The following MBD5 variants were observed in gnomAD, a reference collection of about 807,000 sequenced individuals.
The protein encoded by MBD5 is methyl-CpG-binding domain protein 5.
MBD5 carries 13 observed loss-of-function variants against 117.3 expected under a neutral mutation model. The observed-to-expected ratio is 0.11, with a 90% CI of 0.07 to 0.18. The LOEUF (loss-of-function observed/expected upper bound fraction) is 0.18. MBD5 is among the 10% of genes least tolerant of loss of function. MBD5 has a pLI of 1.00. For synonymous variants in MBD5, 727 were observed against 766.4 expected (o/e 0.95, Z 0.85); for missense variants, 1,879 against 2,093.8 (o/e 0.90, Z 2.00).
chr2:148,066,072 A>C (rs149447747), intron 1 of MBD5, among the ~76,000 whole-genome samples: 1 of 152,236 alleles, frequency 6.6e-6, no homozygotes, highest in East Asian at 1.9e-4. Context: ...CCCAGCACTT[A>C]AGGAGGCAAA....
At chr2:148,487,547 C>G (rs183714490) in intron 10 of MBD5, among the ~76,000 whole-genome samples, 393 of 151,460 alleles carry the variant, frequency 2.6e-3, no homozygotes, top group African/African-American at 8.5e-3. Flanking sequence ...AACCGTGTCA[C>G]TGAGAAAAAA....
intron 1 of MBD5, among the ~76,000 whole-genome samples, chr2:148,059,870 A>G (rs577575859): frequency 3.9e-4 from 59 of 151,850 alleles, no homozygotes; most frequent in African/African-American, 1.3e-3. Context: ...GACAAAGGAA[A>G]TTCTTCTAGT....
chr2:148,123,403 A>G (rs1255421532), intron 1 of MBD5, among the ~76,000 whole-genome samples: 8 of 152,188 alleles, frequency 5.3e-5, no homozygotes, highest in Non-Finnish European at 8.8e-5. Flanking sequence ...ATATACCACA[A>G]TGGTGGTGTA....
At chr2:148,289,872 T>A (rs1465339139) in intron 3 of MBD5, among the ~76,000 whole-genome samples, 1 of 151,904 alleles carries the variant, frequency 6.6e-6, no homozygotes, top group East Asian at 1.9e-4. Flanking sequence ...GTTTAATAGT[T>A]ATTTGGTTTT....
chr2:148,269,657 G>T (rs1306384426), intron 3 of MBD5, among the ~76,000 whole-genome samples: 2 of 136,342 alleles, frequency 1.5e-5, no homozygotes, highest in Admixed American at 7.6e-5. Flanking sequence ...ATCTAATTGT[G>T]AGTTTTTTTA....
chr2:148,134,274 A>T (rs546642061), intron 1 of MBD5, among the ~76,000 whole-genome samples: 2 of 152,312 alleles, frequency 1.3e-5, no homozygotes, highest in South Asian at 4.1e-4. Flanking sequence ...AGAGATACAG[A>T]TATACAAACA....
chr2:148,312,953 C>A (rs1232497912), intron 3 of MBD5, among the ~76,000 whole-genome samples: 1 of 152,108 alleles, frequency 6.6e-6, no homozygotes. Flanking sequence ...CACTCCAGAC[C>A]CTGTTTCGCT....
intron 8 of MBD5, among the ~76,000 whole-genome samples, chr2:148,473,919 A>G (rs1174971635): frequency 7.9e-5 from 12 of 152,178 alleles, no homozygotes; most frequent in African/African-American, 2.7e-4. Flanking sequence ...ATTACAGATA[A>G]AGTTTAATAT....
intron 1 of MBD5, among the ~76,000 whole-genome samples, chr2:148,114,078 TG>T (rs1276816956): frequency 6.6e-6 from 1 of 152,210 alleles, no homozygotes; most frequent in Non-Finnish European, 1.5e-5. Flanking sequence ...TTCCCATTAT[TG>T]GTTCAAATAT....
At chr2:148,352,029 G>T (rs1703262748) in intron 4 of MBD5, among the ~76,000 whole-genome samples, 1 of 152,042 alleles carries the variant, frequency 6.6e-6, no homozygotes, top group Non-Finnish European at 1.5e-5. Flanking sequence ...AGAGGAGCTT[G>T]GGTAACTTTT....
intron 1 of MBD5, among the ~76,000 whole-genome samples, chr2:148,148,688 T>A (rs1472891324): frequency 6.6e-6 from 1 of 152,136 alleles, no homozygotes; most frequent in African/African-American, 2.4e-5. Flanking sequence ...TTTCCCAATT[T>A]CTATGGGTTT....
chr2:148,497,938 A>G (rs192491087), intron 11 of MBD5, among the ~76,000 whole-genome samples: 1 of 152,324 alleles, frequency 6.6e-6, no homozygotes, highest in African/African-American at 2.4e-5. Context: ...TCAGTGACCC[A>G]CAAAGATGTG....
chr2:148,484,116 A>G lies in MBD5; in HGVS notation c.3525A>G (p.Leu1175=), dbSNP rs575331742. The G allele has an allele frequency of 1.5e-5, 23 of 1,510,424 alleles. No individual in the cohort carries two copies. Among genetic ancestry groups the G allele is most frequent in the Admixed American group, 2.2e-5 (1 of 45,982 alleles). The allele number at this position is 1,510,424 out of a possible 1,614,324, so 93.6% of individuals were successfully genotyped here. Residue 1175 remains leucine (L), a synonymous_variant, in exon 9 of 14, where the codon CTA becomes CTG. Coordinates refer to ENST00000642680, the MANE Select transcript of MBD5 (RefSeq NM_001378120.1). ...TGGTGCCACAGCTACTTAACCCTCT[A>G]CTGGGGACAGGTCTACTTGGTAAGT... ...NSVVPQLLNP[L]LGTGLLGDMS...
intron 4 of MBD5, among the ~76,000 whole-genome samples, chr2:148,454,974 T>C (rs556438504): frequency 2.6e-5 from 4 of 152,318 alleles, no homozygotes; most frequent in African/African-American, 9.6e-5. Context: ...TATCAATTTT[T>C]CTAATCTGTG....
intron 1 of MBD5, among the ~76,000 whole-genome samples, chr2:148,100,072 C>T (rs537137421): frequency 6.6e-6 from 1 of 152,048 alleles, no homozygotes; most frequent in Non-Finnish European, 1.5e-5. Context: ...AAATCCATCC[C>T]TTAGAAGTCA....
At chr2:148,146,087 T>G (rs930937814) in intron 1 of MBD5, among the ~76,000 whole-genome samples, 1 of 152,208 alleles carries the variant, frequency 6.6e-6, no homozygotes, top group African/African-American at 2.4e-5. Flanking sequence ...GATATGACAC[T>G]GCAGAACATT....
chr2:148,502,566 C>T (rs1681907349), intron 12 of MBD5, 57 bp downstream of exon 12: 1 of 1,493,354 alleles, frequency 6.7e-7, no homozygotes, highest in Non-Finnish European at 9.3e-7. Context: ...TACTGTTTTT[C>T]CATCAAAGGG....
At chr2:148,146,500 G>A (rs543462983) in intron 1 of MBD5, among the ~76,000 whole-genome samples, 64 of 152,080 alleles carry the variant, frequency 4.2e-4, no homozygotes, top group African/African-American at 1.4e-3. Flanking sequence ...GCCTCCCAAA[G>A]TGTTAGGATT....
chr2:148,124,386 G>A (rs1696840951), intron 1 of MBD5, among the ~76,000 whole-genome samples: 2 of 152,076 alleles, frequency 1.3e-5, no homozygotes, highest in Admixed American at 1.3e-4. Context: ...AGACCTGCCT[G>A]GGCAACACAG....
Sources: allele counts gnomAD v4.1 joint callset (sites outside exome capture counted in the v4.1 genomes callset), GRCh38; gene constraint gnomAD v4.1.1; transcripts MANE v1.5; gene names NCBI Gene and HGNC (gene_info 2026-07-23, HGNC 2026-07-21).